The following ZNF287 variants were observed in gnomAD, a reference collection of about 807,000 sequenced individuals.
The protein encoded by ZNF287 is zinc finger protein with KRAB and SCAN domains 13.
In ZNF287, 31 loss-of-function variants were observed where a neutral mutation model predicts 73.7. The observed-to-expected ratio is 0.42, with a 90% CI of 0.32 to 0.57. ZNF287 has a LOEUF of 0.57. Among genes scored for constraint, ZNF287 ranks in the 20% least tolerant of loss-of-function variants. ZNF287 has a pLI of 0.13. For synonymous variants in ZNF287, 301 were observed against 307.2 expected, an observed-to-expected ratio of 0.98 and a Z score of 0.21; for missense variants, 641 against 909.3, an observed-to-expected ratio of 0.70 and a Z score of 3.79.
chr17:16,555,601 AACACACACACAC>A (rs201011881), intron 5 of ZNF287, among the ~76,000 whole-genome samples: 44 of 128,228 alleles, frequency 3.4e-4, no homozygotes, highest in Non-Finnish European at 6.3e-4. Flanking sequence ...CACATAACCA[AACACACACACAC>A]ACACACACAC....
At position 16,552,343 on chromosome 17, in the gene ZNF287, G is replaced by A; in HGVS notation, c.1799C>T (p.Ala600Val). The change falls in exon 6 of 6, where the codon GCC (alanine) becomes GTC (valine). Residue 600 changes from alanine to valine, a missense_variant. By Grantham distance (64) the Ala-to-Val change is moderately conservative. This residue lies in a region of ZNF287 where 284 missense variants were observed against 466.8 expected (regional missense o/e 0.61). Coordinates refer to ENST00000395825, the MANE Select transcript of ZNF287 (RefSeq NM_020653.4). This position sits in a 1 kb window ranked among gnomAD's most constrained non-coding sequence, Gnocchi z 6.5. ...AGTAAGATTTGCACTCTGGCTGAAG[G>A]CTTTCCCACATATATTACATATATA... ...KSYICNICGK[A>V]FSQSANLTQH... is the part of the protein sequence containing the mutation. 6.2e-7 allele frequency: 1 copy of A among 1,613,830 alleles called. No individual in the cohort carries two copies. Among genetic ancestry groups the A allele is most frequent in the Non-Finnish European group, 8.5e-7 (1 of 1,179,922 alleles).
Position 16,563,755 on chromosome 17 carries a change from T to C in ZNF287, c.572A>G (p.Gln191Arg). 6.2e-7 allele frequency: 1 copy of C among 1,614,066 alleles called. No homozygotes were observed. The highest frequency in any genetic ancestry group is 8.5e-7 in the Non-Finnish European group (1 of 1,179,928). ...QEDWELMRPVQKELYKTVTLQ... is the reference protein window; with the variant it reads ...QEDWELMRPVRKELYKTVTLQ... ...CGTCACAGTCTTGTATAATTCCTTC[T>C]GCACAGGACGCATTAACTCCCAGTC... The change falls in exon 4 of 6, where the codon CAG becomes CGG. Residue 191 changes from glutamine (Q) to arginine (R), a missense_variant. Coordinates refer to ENST00000395825, the MANE Select transcript of ZNF287 (RefSeq NM_020653.4).
rs1597472600 is a variant in ZNF287, at chr17:16,563,410, A to G, written c.629-178T>C. ...TTATCCTTTCAGAGACAGGATAACAATTTCCTGCCACTGAAGAGGATATGT... is the reference window on the plus strand; with the variant it reads ...TTATCCTTTCAGAGACAGGATAACAGTTTCCTGCCACTGAAGAGGATATGT... On this transcript the variant is annotated intron_variant, in intron 4 of 5. Transcript: ENST00000395825. The G allele has an allele frequency of 5.0e-6, 3 of 603,736 alleles. No individual in the cohort carries two copies. In the South Asian group the frequency reaches 6.9e-5, roughly 14 times the overall value. 37.4% of individuals were successfully genotyped at this position (603,736 alleles called of 1,614,324 possible).
Position 16,553,421 on chromosome 17 carries a change from C to A in ZNF287, c.721G>T (p.Glu241Ter). Residue 241 changes from glutamate to a stop codon, truncating the protein, a stop_gained, in exon 6 of 6, where the codon GAA becomes TAA. Transcript: ENST00000395825. LOFTEE classifies it high-confidence loss of function. ...EILEGPSPEW[E>*]TKAQACTPVE... ...GGAGTACATGCTTGGGCTTTAGTTT[C>A]CCATTCTGAAATAAAAAATATATTA... 1 of 1,478,288 alleles carries A rather than the reference C, an allele frequency of 6.8e-7. No homozygotes were observed. Among genetic ancestry groups the A allele is most frequent in the South Asian group, 1.5e-5 (1 of 67,150 alleles). 91.6% of individuals were successfully genotyped at this position (1,478,288 alleles called of 1,614,324 possible).
chr17:16,549,187 A>G lies in ZNF287; in HGVS notation c.*2669T>C, dbSNP rs187709213. Among the ~76,000 whole-genome samples, 13 of 152,322 alleles carry G rather than the reference A, an allele frequency of 8.5e-5. No homozygotes were observed. In the East Asian group the frequency reaches 2.5e-3, roughly 29 times the overall value. ...ATAAAAAGTTCTGGAAAATAAGGCT[A>G]TTTGCTAAAAACTGTTGAATAATTT... On this transcript the variant is annotated 3_prime_UTR_variant, in exon 6 of 6. Coordinates refer to ENST00000395825, the MANE Select transcript of ZNF287 (RefSeq NM_020653.4).
In ZNF287 at chr17:16,563,810, T is replaced by C; in HGVS notation, c.517A>G (p.Lys173Glu). The stretch of plus-strand genomic sequence containing the variant: ...TGGGTGATGTCTACAGCCACATCTT[T>C]GAATGTCATCGATTCCTAAAATATC... ...DLVTKESMTF[K>E]DVAVDITQED... Residue 173 changes from lysine (K) to glutamate (E), a missense_variant, in exon 4 of 6, where the codon AAA becomes GAA. Physicochemically the swap from Lys to Glu is moderately conservative, Grantham distance 56. This residue lies in a region of ZNF287 where 357 missense variants were observed against 442.4 expected (regional missense o/e 0.81). Transcript: ENST00000395825. The C allele has an allele frequency of 6.2e-7, 1 of 1,613,512 alleles. No individual in the cohort carries two copies. Among genetic ancestry groups the C allele is most frequent in the Non-Finnish European group, 8.5e-7 (1 of 1,179,694 alleles).
At chr17:16,554,399 C>G (rs1349315758) in intron 5 of ZNF287, among the ~76,000 whole-genome samples, 2 of 152,092 alleles carry the variant, frequency 1.3e-5, no homozygotes, top group African/African-American at 4.8e-5. Flanking sequence ...GCCTCAAACT[C>G]CTGGCCTCAG....
In ZNF287 at chr17:16,547,480, C is replaced by A. The variant is rs564092204; in HGVS notation, c.*4376G>T. ...GGAAGTGTTCTCTCCAATTTAGGTG[C>A]ATGCTTAACAAGATTTAGTTGTTTG... On this transcript the variant is annotated 3_prime_UTR_variant, in exon 6 of 6. Transcript: ENST00000395825. Among the ~76,000 whole-genome samples the A allele has an allele frequency of 2.0e-5, 3 of 152,282 alleles. No individual in the cohort carries two copies. The highest frequency in any genetic ancestry group is 1.3e-4 in the Admixed American group (2 of 15,290).
At chr17:16,560,668 A>T (rs1907388694) in intron 5 of ZNF287, among the ~76,000 whole-genome samples, 1 of 151,674 alleles carries the variant, frequency 6.6e-6, no homozygotes, top group African/African-American at 2.4e-5. Context: ...TTCTTTAATG[A>T]AGAATGGTAT....
Position 16,551,581 on chromosome 17 carries a change from G to C in ZNF287, c.*275C>G. On this transcript the variant is annotated 3_prime_UTR_variant, in exon 6 of 6. Coordinates refer to ENST00000395825, the MANE Select transcript of ZNF287 (RefSeq NM_020653.4). Reference sequence around the variant, plus strand: ...CCAAAGGATAAGTGTACTTGAAATAGAGAGTTGATGAGTTATGTTTTTGAA... The same window carrying C: ...CCAAAGGATAAGTGTACTTGAAATACAGAGTTGATGAGTTATGTTTTTGAA... 2.7e-6 allele frequency: 1 copy of C among 370,098 alleles called. No individual in the cohort carries two copies. Among genetic ancestry groups the C allele is most frequent in the Non-Finnish European group, 4.8e-6 (1 of 206,216 alleles). The allele number at this position is 370,098 out of a possible 1,614,324, so 22.9% of individuals were successfully genotyped here. A position where few individuals can be genotyped will look rare whatever the true frequency, so the allele number is the denominator to read the frequency against.
Position 16,567,824 on chromosome 17 carries a change from C to G in ZNF287, c.-93G>C. On this transcript the variant is annotated 5_prime_UTR_variant, in exon 2 of 6. Transcript: ENST00000395825. ...GTCTCATGCTAGAGTCACAAGGACACTATATCAAAGGCTGCTGCAGCCGAG... is the reference window on the plus strand; with the variant it reads ...GTCTCATGCTAGAGTCACAAGGACAGTATATCAAAGGCTGCTGCAGCCGAG... 1.3e-5 allele frequency: 20 copies of G among 1,505,132 alleles called. No homozygotes were observed. Among genetic ancestry groups the G allele is most frequent in the Non-Finnish European group, 1.8e-5 (20 of 1,135,284 alleles). 93.2% of individuals were successfully genotyped at this position (1,505,132 alleles called of 1,614,324 possible). A position where few individuals can be genotyped will look rare whatever the true frequency, so the allele number is the denominator to read the frequency against.
chr17:16,556,427 T>C (rs1053230114), intron 5 of ZNF287, among the ~76,000 whole-genome samples: 1 of 152,204 alleles, frequency 6.6e-6, no homozygotes, highest in African/African-American at 2.4e-5. Context: ...AATGATATTA[T>C]AAGTTTTCTG....
At position 16,549,196 on chromosome 17, in the gene ZNF287, A is replaced by C. The variant is rs1384748122; in HGVS notation, c.*2660T>G. 6.6e-6 allele frequency among the ~76,000 whole-genome samples: 1 copy of C among 152,244 alleles called. No individual in the cohort carries two copies. Among genetic ancestry groups the C allele is most frequent in the Non-Finnish European group, 1.5e-5 (1 of 68,032 alleles). Reference sequence around the variant, plus strand: ...TCTGGAAAATAAGGCTATTTGCTAAAAACTGTTGAATAATTTGCGGGTCAG... The same window carrying C: ...TCTGGAAAATAAGGCTATTTGCTAACAACTGTTGAATAATTTGCGGGTCAG... On this transcript the variant is annotated 3_prime_UTR_variant, in exon 6 of 6. Coordinates refer to ENST00000395825, the MANE Select transcript of ZNF287 (RefSeq NM_020653.4).
rs1906494062 is a variant in ZNF287 at position 16,549,387 on chromosome 17, G to A, written c.*2469C>T. Among the ~76,000 whole-genome samples, 1 of 152,168 alleles carries A rather than the reference G, an allele frequency of 6.6e-6. No individual in the cohort carries two copies. Among genetic ancestry groups the A allele is most frequent in the Non-Finnish European group, 1.5e-5 (1 of 68,030 alleles). ...GCAGGAAATAACAGAGTAATGCAAAGGAAGGCGCTATGGACTGTCACATGC... is the reference window on the plus strand; with the variant it reads ...GCAGGAAATAACAGAGTAATGCAAAAGAAGGCGCTATGGACTGTCACATGC... On this transcript the variant is annotated 3_prime_UTR_variant, in exon 6 of 6. Transcript: ENST00000395825.
rs1287228200 is a variant in ZNF287 at position 16,547,186 on chromosome 17, C to T, written c.*4670G>A. ...GTACTTAGATTTGCATGAAACAGAT[C>T]CTTAGGATTAATATTTAGATCTTAC... On this transcript the variant is annotated 3_prime_UTR_variant, in exon 6 of 6. Coordinates refer to ENST00000395825, the MANE Select transcript of ZNF287 (RefSeq NM_020653.4). 6.6e-6 allele frequency among the ~76,000 whole-genome samples: 1 copy of T among 152,088 alleles called. No homozygotes were observed. The highest frequency in any genetic ancestry group is 1.5e-5 in the Non-Finnish European group (1 of 68,022).
At chr17:16,554,632 T>C (rs1421037147) in intron 5 of ZNF287, among the ~76,000 whole-genome samples, 2 of 152,168 alleles carry the variant, frequency 1.3e-5, no homozygotes, top group African/African-American at 2.4e-5. Flanking sequence ...AAAATACAGA[T>C]TAGAGGCCAA....
At chr17:16,554,110 CCA>C (rs776389499) in intron 5 of ZNF287, among the ~76,000 whole-genome samples, 1 of 152,142 alleles carries the variant, frequency 6.6e-6, no homozygotes, top group East Asian at 1.9e-4. Context: ...TAAAATACCT[CCA>C]CTTGGCACTC....
In ZNF287 at chr17:16,552,937, CCACATTCTT is replaced by C. The variant is rs776600803; in HGVS notation, c.1196_1204del (p.Glu399_Cys401del). The C allele has an allele frequency of 6.2e-7, 1 of 1,614,154 alleles. No homozygotes were observed. On this transcript the variant is annotated inframe_deletion, in exon 6 of 6. Transcript: ENST00000395825. The surrounding 1 kb of genome is among the most constrained non-coding windows in gnomAD (Gnocchi z 6.5). ...GGATGAGATATGCCTAAACTCTTTC[CCACATTCTT>C]CACATTCATACGATTTCTCTTTGGC...
At chr17:16,556,764 C>G (rs1174335032) in intron 5 of ZNF287, among the ~76,000 whole-genome samples, 1 of 151,972 alleles carries the variant, frequency 6.6e-6, no homozygotes, top group Non-Finnish European at 1.5e-5. Flanking sequence ...ATTGTACATA[C>G]AACTGAAAAG....
Sources: allele counts gnomAD v4.1 joint callset (sites outside exome capture counted in the v4.1 genomes callset), GRCh38; gene constraint gnomAD v4.1.1; regional missense constraint gnomAD v4.1.1; non-coding constraint Gnocchi (gnomAD v3.1); transcripts MANE v1.5; gene names NCBI Gene and HGNC (gene_info 2026-07-23, HGNC 2026-07-21).